The following ITPA variants were observed in gnomAD, a reference collection of about 807,000 sequenced individuals.
The protein encoded by ITPA is inosine triphosphate pyrophosphatase.
A neutral mutation model predicts 29.6 loss-of-function variants in ITPA; 29 were observed. That is an observed-to-expected ratio of 0.98 (90% confidence interval 0.73 to 1.34). ITPA has a LOEUF of 1.34. ITPA is among the 40% of genes most tolerant of loss of function. The pLI is 0.00. For synonymous variants in ITPA, 103 were observed against 99.3 expected (o/e 1.04, Z -0.22); for missense variants, 241 against 251.5 (o/e 0.96, Z 0.28).
At chr20:3,206,077 A>G (rs1225567833), upstream of ITPA, among the ~76,000 whole-genome samples, 2 of 150,266 alleles carry the variant, frequency 1.3e-5, no homozygotes, top group East Asian at 1.9e-4. Context: ...AAAAAGAAAG[A>G]AAGAAAGAAA....
chr20:3,209,623 G>C lies in ITPA; in HGVS notation c.66+6G>C. ...ACGCCAAGAAGCTGGAGGAGGTGCC[G>C]GGAGGGTGTTGGGGGCTAACTGGGA... On this transcript the variant is annotated splice_donor_region_variant and intron_variant, in intron 1 of 7. Transcript: ENST00000380113. The surrounding 1 kb of genome is among the most constrained non-coding windows in gnomAD (Gnocchi z 4.6). The C allele has an allele frequency of 2.5e-6, 4 of 1,613,752 alleles. No individual in the cohort carries two copies. The highest frequency in any genetic ancestry group is 3.4e-6 in the Non-Finnish European group (4 of 1,179,780).
In ITPA at chr20:3,223,796, A is replaced by G. The variant is rs944105704; in HGVS notation, c.*334A>G. ...GCAAATCGCCTTCCATGGTTTTTAA[A>G]TGCAGTAAATAACATTTCTGGATGA... On this transcript the variant is annotated 3_prime_UTR_variant, in exon 8 of 8. Transcript: ENST00000380113. 8 of 372,292 alleles carry G rather than the reference A, an allele frequency of 2.1e-5. No individual in the cohort carries two copies. The highest frequency in any genetic ancestry group is 1.4e-4 in the African/African-American group (7 of 48,668). The allele number at this position is 372,292 out of a possible 1,614,324, so 23.1% of individuals were successfully genotyped here.
intron 6 of ITPA, among the ~76,000 whole-genome samples, chr20:3,220,043 CAAA>C (rs745545920): frequency 2.4e-4 from 14 of 58,158 alleles, no homozygotes; most frequent in Non-Finnish European, 2.7e-4. Context: ...GACCCAGTCT[CAAA>C]AAAAAAAAAA....
rs35002933 is a variant in ITPA, at chr20:3,220,717, TAA to T, written c.412-1109_412-1108del. ...GTGTGAGCTACCACATCTGGCTAAT[TAA>T]AAAAAAAAAAAAAATTGGTAGAGAT... On this transcript the variant is annotated intron_variant, in intron 6 of 7. Coordinates refer to ENST00000380113, the MANE Select transcript of ITPA (RefSeq NM_033453.4). Among the ~76,000 whole-genome samples the T allele has an allele frequency of 3.1e-3, 433 of 141,064 alleles. 8 individuals are homozygous for T. The East Asian group carries it at 0.055, about 18-fold the overall frequency. 92.5% of individuals were successfully genotyped at this position (141,064 alleles called of 152,430 possible).
intron 4 of ITPA, among the ~76,000 whole-genome samples, chr20:3,214,350 T>G (rs2122332682): frequency 7.0e-6 from 1 of 143,310 alleles, no homozygotes; most frequent in East Asian, 2.2e-4. Context: ...AAACTTGATT[T>G]CTTTCTTCCT....
intron 7 of ITPA, 25 bp from the exon 8 acceptor site, chr20:3,223,341 C>T (rs763081405): frequency 6.3e-7 from 1 of 1,585,158 alleles, no homozygotes; most frequent in South Asian, 1.1e-5. Flanking sequence ...TCTGGGCTCC[C>T]TGAGCTGCTA....
At chr20:3,207,117 G>T (rs1043595583), upstream of ITPA, among the ~76,000 whole-genome samples, 9 of 152,184 alleles carry the variant, frequency 5.9e-5, no homozygotes, top group African/African-American at 2.2e-4. Flanking sequence ...TTGAGACAGG[G>T]TCTCACTCAC....
chr20:3,217,654 A>T (rs528259528), intron 5 of ITPA, among the ~76,000 whole-genome samples: 1 of 152,092 alleles, frequency 6.6e-6, no homozygotes, highest in Non-Finnish European at 1.5e-5. Flanking sequence ...TTTTTTGTAG[A>T]GGTGAGGTCT....
At chr20:3,215,755 G>T (rs890870245) in intron 5 of ITPA, among the ~76,000 whole-genome samples, 1 of 152,076 alleles carries the variant, frequency 6.6e-6, no homozygotes, top group African/African-American at 2.4e-5. Context: ...GTGTGATCTC[G>T]ACTCACTGCA....
At chr20:3,218,194 T>G (rs371370264) in intron 5 of ITPA, among the ~76,000 whole-genome samples, 1 of 151,678 alleles carries the variant, frequency 6.6e-6, no homozygotes, top group South Asian at 2.1e-4. Context: ...CTGGGATTAC[T>G]GGCATGAGCC....
chr20:3,213,226 C>G lies in ITPA; in HGVS notation c.124C>G (p.Leu42Val). ...PCTLVAQKID[L>V]PEYQGEPDEI... ...CACTTTGGTGGCACAGAAAATTGAC[C>G]GTATGTCTCTGTTTTGTTTTATTTT... The change falls in exon 2 of 8, where the codon CTG (leucine) becomes GTG (valine). Residue 42 changes from leucine (L) to valine (V), a missense_variant and splice_region_variant. Physicochemically the swap from Leu to Val is conservative, Grantham distance 32. Transcript: ENST00000380113. 5 of 1,614,102 alleles carry G rather than the reference C, an allele frequency of 3.1e-6. No homozygotes were observed. The highest frequency in any genetic ancestry group is 4.2e-6 in the Non-Finnish European group (5 of 1,180,022).
At chr20:3,209,069 T>G, upstream of ITPA, 1 of 212,792 alleles carries the variant, frequency 4.7e-6, no homozygotes, top group Non-Finnish European at 9.8e-6. This position sits in a 1 kb window ranked among gnomAD's most constrained non-coding sequence, Gnocchi z 4.6. Flanking sequence ...CTATGCCGAG[T>G]TTAAGTTCAC....
intron 2 of ITPA, 23 bp from the exon 3 acceptor site, chr20:3,213,295 CT>C (rs1568510154): frequency 6.2e-7 from 1 of 1,614,148 alleles, no homozygotes; most frequent in South Asian, 1.1e-5. Flanking sequence ...ACCTGACTTT[CT>C]GTGTGTCTGT....
intron 6 of ITPA, among the ~76,000 whole-genome samples, chr20:3,220,915 G>C (rs537004697): frequency 6.6e-6 from 1 of 152,026 alleles, no homozygotes; most frequent in African/African-American, 2.4e-5. Flanking sequence ...TGGAGTGTTT[G>C]TTTGTTTGTT....
intron 4 of ITPA, among the ~76,000 whole-genome samples, chr20:3,214,363 CTTTTTTTTTTTT>C (rs57982806): frequency 8.9e-6 from 1 of 112,910 alleles, no homozygotes; most frequent in Non-Finnish European, 1.8e-5. Flanking sequence ...TTCTTCCTTT[CTTTTTTTTTTTT>C]TTTTTTTTGA....
chr20:3,213,843 C>G (rs979894415), intron 3 of ITPA, 142 bp from the exon 4 acceptor site: 1 of 851,126 alleles, frequency 1.2e-6, no homozygotes, highest in Non-Finnish European at 2.0e-6. Context: ...AGAGATTGGC[C>G]GAGGGCAGCT....
At chr20:3,226,592 TC>T (rs954888521), downstream of ITPA, among the ~76,000 whole-genome samples, 1 of 152,208 alleles carries the variant, frequency 6.6e-6, no homozygotes, top group African/African-American at 2.4e-5. This position sits in a 1 kb window ranked among gnomAD's most constrained non-coding sequence, Gnocchi z 4.4. Context: ...GCCTCCTTCT[TC>T]CCCTGTTCAC....
intron 1 of ITPA, among the ~76,000 whole-genome samples, chr20:3,210,579 C>T (rs775572757): frequency 5.9e-5 from 9 of 151,922 alleles, no homozygotes; most frequent in Non-Finnish European, 1.3e-4. Flanking sequence ...TAGGGAGGGA[C>T]TGATGTCACT....
intron 4 of ITPA, 134 bp from the exon 5 acceptor site, chr20:3,215,147 G>A (rs2067264247): frequency 1.7e-5 from 14 of 832,790 alleles, no homozygotes; most frequent in Non-Finnish European, 1.9e-5. Context: ...GATTATAGGC[G>A]GGACCCACCT....
Sources: gnomAD v4.1 joint callset for allele counts (sites outside exome capture counted in the v4.1 genomes callset) on GRCh38, gnomAD v4.1.1 for gene constraint, Gnocchi (gnomAD v3.1) non-coding constraint, MANE v1.5 for transcripts, NCBI Gene and HGNC (gene_info 2026-07-23, HGNC 2026-07-21) for gene names.